Variants in NRIP1 observed in about 807,000 individuals in gnomAD.
NRIP1 encodes the protein nuclear receptor interacting protein 1.
NRIP1 carries 28 observed loss-of-function variants against 75.0 expected under a neutral mutation model. That is an observed-to-expected ratio of 0.37 (90% CI 0.28 to 0.51). The LOEUF (loss-of-function observed/expected upper bound fraction) is 0.51, where lower values mean the gene tolerates loss of function less well. NRIP1 is among the 20% of genes least tolerant of loss of function. The pLI is 0.92. For synonymous variants in NRIP1, 526 were observed against 487.6 expected (o/e 1.08, Z -1.04); for missense variants, 1,435 against 1,343.7 (o/e 1.07, Z -1.06).
chr21:14,989,897 A>G (rs2087521541), intron 3 of NRIP1, among the ~76,000 whole-genome samples: 2 of 152,136 alleles, frequency 1.3e-5, no homozygotes, highest in South Asian at 4.2e-4. Context: ...AATAAACAAA[A>G]ACTTGTCATT....
chr21:14,993,957 C>T (rs949318403), intron 3 of NRIP1, among the ~76,000 whole-genome samples: 5 of 152,130 alleles, frequency 3.3e-5, no homozygotes, highest in African/African-American at 1.2e-4. Context: ...CTGGTATTTC[C>T]AATTCCTGAC....
chr21:14,996,755 T>C (rs1037437534), intron 3 of NRIP1, among the ~76,000 whole-genome samples: 1 of 152,154 alleles, frequency 6.6e-6, no homozygotes, highest in East Asian at 1.9e-4. Context: ...ATGCACGTCA[T>C]TACTCTTAGT....
chr21:15,008,022 CGCATTCCCAGAACCCTCAGGGAAGACCCA>C (rs1191217817), intron 3 of NRIP1, among the ~76,000 whole-genome samples: 3 of 152,172 alleles, frequency 2.0e-5, no homozygotes, highest in Non-Finnish European at 4.4e-5. Context: ...AGGTACACAA[CGCATTCCCAGAACCCTCAGGGAAGACCCA>C]GCACCAATGT....
rs1334443484 is a variant in NRIP1 at position 14,961,688 on chromosome 21, T to A, written c.*3028A>T. ...TAGGATGAACATCTGATCTGATTTGTTAAGACATTTTGCCAAATGCACAGA... is the reference window on the plus strand; with the variant it reads ...TAGGATGAACATCTGATCTGATTTGATAAGACATTTTGCCAAATGCACAGA... On this transcript the variant is annotated 3_prime_UTR_variant, in exon 4 of 4. Transcript: ENST00000318948. 6.6e-6 allele frequency: 1 copy of A among 152,408 alleles called. No individual in the cohort carries two copies. Among genetic ancestry groups the A allele is most frequent in the African/African-American group, 2.4e-5 (1 of 41,424 alleles). The allele number at this position is 152,408 out of a possible 1,614,324, so 9.4% of individuals were successfully genotyped here. A position where few individuals can be genotyped will look rare whatever the true frequency, so the allele number is the denominator to read the frequency against.
chr21:14,988,239 T>TA (rs1469640934), intron 3 of NRIP1: 2 of 152,182 alleles, frequency 1.3e-5, no homozygotes, highest in Admixed American at 1.3e-4. Context: ...ACTGTTGTAT[T>TA]AAATAAAAGG....
intron 3 of NRIP1, among the ~76,000 whole-genome samples, chr21:14,976,340 A>G (rs2087068082): frequency 6.6e-6 from 1 of 152,184 alleles, no homozygotes; most frequent in South Asian, 2.1e-4. Context: ...CCATATGCGT[A>G]GATTGATTTG....
chr21:15,042,207 T>C (rs111845716), intron 2 of NRIP1, among the ~76,000 whole-genome samples: 2,851 of 152,324 alleles, frequency 0.019, 41 homozygotes, highest in Non-Finnish European at 0.026. Context: ...ATCTGTATTA[T>C]AGTAAAAGAA....
At chr21:14,974,288 A>T (rs1347250271) in intron 3 of NRIP1, 1 of 152,194 alleles carries the variant, frequency 6.6e-6, no homozygotes, top group Non-Finnish European at 1.5e-5. Flanking sequence ...GAACCTGGAA[A>T]TATTTATAAA....
intron 3 of NRIP1, among the ~76,000 whole-genome samples, chr21:14,975,628 A>T (rs1327632738): frequency 0.057 from 17 of 300 alleles, no homozygotes; most frequent in East Asian, 0.44. Flanking sequence ...TATTTCTTTA[A>T]AAAAAAAAAA....
intron 2 of NRIP1, among the ~76,000 whole-genome samples, chr21:15,026,671 CA>C (rs1243189013): frequency 6.6e-6 from 1 of 151,768 alleles, no homozygotes; most frequent in Admixed American, 6.6e-5. Flanking sequence ...ATATCAAAAA[CA>C]AAACAAAACA....
Position 14,966,566 on chromosome 21 carries a change from G to A in NRIP1, c.1627C>T (p.Pro543Ser). The A allele has an allele frequency of 1.2e-6, 2 of 1,614,022 alleles. No homozygotes were observed. Among genetic ancestry groups the A allele is most frequent in the Non-Finnish European group, 1.7e-6 (2 of 1,179,974 alleles). The change falls in exon 4 of 4, where the codon CCC becomes TCC. Residue 543 changes from proline to serine, a missense_variant. Pro to Ser is a moderately conservative substitution (Grantham distance 74, BLOSUM62 -1). Transcript: ENST00000318948. ...ACTGGAGTAGTCCGATTTGTACTGG[G>A]GCTTTCTATCACAGAAGTCCTTGCA... is the stretch of plus-strand genomic sequence containing the variant. The part of the protein sequence containing the change: ...NYARTSVIES[P>S]STNRTTPVST...
chr21:15,056,146 G>C (rs1283300736), intron 1 of NRIP1, among the ~76,000 whole-genome samples: 2 of 152,064 alleles, frequency 1.3e-5, no homozygotes, highest in Non-Finnish European at 2.9e-5. Flanking sequence ...TGATAAATGG[G>C]GGGAGGACAA....
chr21:15,010,761 C>A (rs944796258), intron 3 of NRIP1, among the ~76,000 whole-genome samples: 1 of 152,136 alleles, frequency 6.6e-6, no homozygotes, highest in African/African-American at 2.4e-5. Context: ...AGTAAACAGG[C>A]CTGCCAGCAC....
chr21:15,023,397 C>CT (rs1020143944), intron 2 of NRIP1, among the ~76,000 whole-genome samples: 1 of 152,090 alleles, frequency 6.6e-6, no homozygotes, highest in East Asian at 1.9e-4. Flanking sequence ...TATTAGAATA[C>CT]TTTTTTTAAA....
At chr21:14,972,799 G>A (rs9979918) in intron 3 of NRIP1, among the ~76,000 whole-genome samples, 14,140 of 152,118 alleles carry the variant, frequency 0.093, 2,066 homozygotes, top group African/African-American at 0.31. Flanking sequence ...TAAACAGTGG[G>A]GAACCTAGAT....
intron 1 of NRIP1, among the ~76,000 whole-genome samples, chr21:15,064,205 G>A (rs1335230504): frequency 1.3e-5 from 2 of 152,264 alleles, no homozygotes; most frequent in Admixed American, 6.5e-5. Context: ...ATCGGGAGGG[G>A]ACCGCGAGTG....
At chr21:15,035,803 G>A (rs1349675060) in intron 2 of NRIP1, among the ~76,000 whole-genome samples, 1 of 151,962 alleles carries the variant, frequency 6.6e-6, no homozygotes, top group Non-Finnish European at 1.5e-5. Flanking sequence ...TGATCCACCC[G>A]CCTCGGCCTC....
Position 14,966,896 on chromosome 21 carries a change from T to A in NRIP1, c.1297A>T (p.Ser433Cys), listed in dbSNP as rs755990995. ...SFTDDSSGDE[S>C]SYSNCVPIDL... ...ATGGGAACACAGTTGGAATAAGAAC[T>A]TTCATCACCACTGCTGTCATCTGTA... Residue 433 changes from serine (S) to cysteine (C), a missense_variant, in exon 4 of 4, where the codon AGT becomes TGT. Physicochemically the swap from Ser to Cys is moderately radical, Grantham distance 112. Transcript: ENST00000318948. 6.2e-7 allele frequency: 1 copy of A among 1,614,110 alleles called. No individual in the cohort carries two copies. Among genetic ancestry groups the A allele is most frequent in the Non-Finnish European group, 8.5e-7 (1 of 1,180,010 alleles).
chr21:14,997,605 A>G (rs1278500621), intron 3 of NRIP1, among the ~76,000 whole-genome samples: 4 of 151,820 alleles, frequency 2.6e-5, no homozygotes, highest in Middle Eastern at 3.2e-3. Flanking sequence ...AAAATACGTC[A>G]GTAGAAGACA....
Sources: gnomAD v4.1 joint callset for allele counts (sites outside exome capture counted in the v4.1 genomes callset) on GRCh38, gnomAD v4.1.1 for gene constraint, MANE v1.5 for transcripts, NCBI Gene and HGNC (gene_info 2026-07-23, HGNC 2026-07-21) for gene names.